DMD: variants seen among roughly 807,000 people sequenced by gnomAD.
DMD encodes dystrophin, also known as mutant dystrophin.
In DMD, 63 loss-of-function variants were observed where a neutral mutation model predicts 330.1. The ratio of observed to expected loss-of-function variants is 0.19; its 90% CI spans 0.16 to 0.24. The LOEUF (loss-of-function observed/expected upper bound fraction) is 0.24. Among genes scored for constraint, DMD ranks in the 10% least tolerant of loss-of-function variants. The pLI, the probability that DMD is intolerant of heterozygous loss-of-function variation, is 1.00. For synonymous variants in DMD, 1,223 were observed against 959.8 expected, an observed-to-expected ratio of 1.27 and a Z score of -5.07; for missense variants, 3,344 against 2,684.1, an observed-to-expected ratio of 1.25 and a Z score of -5.43.
chrX:32,740,315 T>C (rs1170686798), intron 7 of DMD, among the ~76,000 whole-genome samples: 2 of 110,214 alleles, frequency 1.8e-5, no homozygotes, highest in Non-Finnish European at 3.8e-5. Flanking sequence ...AGATGCATAA[T>C]GTAGTGTATC....
At chrX:31,851,205 C>T (rs2093518966) in intron 48 of DMD, among the ~76,000 whole-genome samples, 1 of 111,073 alleles carries the variant, frequency 9.0e-6, no homozygotes, top group South Asian at 3.8e-4. Flanking sequence ...CTGTCAAGTA[C>T]GTGCCAACCT....
chrX:32,499,891 C>A (rs1476565771), intron 19 of DMD, among the ~76,000 whole-genome samples: 1 of 111,118 alleles, frequency 9.0e-6, no homozygotes, highest in East Asian at 2.8e-4. Flanking sequence ...CAATTTGTTC[C>A]TTGAACGACA....
At chrX:32,303,822 A>G (rs1280846718) in intron 42 of DMD, among the ~76,000 whole-genome samples, 1 of 110,249 alleles carries the variant, frequency 9.1e-6, no homozygotes, top group Non-Finnish European at 1.9e-5. Context: ...ACCCTATATA[A>G]ATCTAATTCT....
chrX:32,235,212 G>C (rs1422832974), intron 43 of DMD, among the ~76,000 whole-genome samples: 2 of 111,469 alleles, frequency 1.8e-5, no homozygotes, highest in Non-Finnish European at 3.8e-5. Flanking sequence ...CATCTGGGGG[G>C]TGATGGGAGA....
intron 2 of DMD, among the ~76,000 whole-genome samples, chrX:33,009,683 T>TGTATACAC (rs1569549032): frequency 2.3e-5 from 1 of 44,085 alleles, no homozygotes; most frequent in African/African-American, 6.1e-5. Context: ...CGTATATGTG[T>TGTATACAC]ATATGCACAT....
At chrX:32,428,085 T>C (rs2098220492) in intron 29 of DMD, among the ~76,000 whole-genome samples, 1 of 111,740 alleles carries the variant, frequency 8.9e-6, no homozygotes, top group African/African-American at 3.2e-5. Flanking sequence ...TCTTGAATTC[T>C]TCTCTTTCCA....
intron 41 of DMD, among the ~76,000 whole-genome samples, chrX:32,314,158 C>T (rs1194713542): frequency 9.0e-6 from 1 of 111,559 alleles, no homozygotes; most frequent in Non-Finnish European, 1.9e-5. Flanking sequence ...TACTATAATG[C>T]TACAGTAACC....
At chrX:31,498,240 A>T (rs1569547352) in intron 56 of DMD, among the ~76,000 whole-genome samples, 1 of 112,264 alleles carries the variant, frequency 8.9e-6, no homozygotes, top group African/African-American at 3.2e-5. Context: ...ATGATTGATA[A>T]AACAAAACAG....
At chrX:31,134,580 G>A (rs1313903813) in intron 76 of DMD, among the ~76,000 whole-genome samples, 1 of 110,632 alleles carries the variant, frequency 9.0e-6, no homozygotes, top group African/African-American at 3.3e-5. Context: ...GCGCCAACAC[G>A]TCCAGCTAAT....
chrX:33,204,071 C>T (rs978114907), intron 1 of DMD, among the ~76,000 whole-genome samples: 3 of 111,745 alleles, frequency 2.7e-5, no homozygotes, highest in African/African-American at 9.7e-5. Flanking sequence ...GGATGAGCTA[C>T]CGTAATTGCT....
intron 2 of DMD, among the ~76,000 whole-genome samples, chrX:32,887,770 A>AAAAAACAAC (rs1557117376): frequency 1.4e-5 from 1 of 70,337 alleles, no homozygotes; most frequent in Non-Finnish European, 2.9e-5. Flanking sequence ...AAAAAAAAAA[A>AAAAAACAAC]AAAAAACATC....
At chrX:33,314,587 T>A (rs572414466) in intron 1 of DMD, among the ~76,000 whole-genome samples, 54 of 99,218 alleles carry the variant, frequency 5.4e-4, no homozygotes, top group African/African-American at 1.8e-3. Flanking sequence ...TTTTTTTTTT[T>A]ATCTTTCTTA....
intron 55 of DMD, among the ~76,000 whole-genome samples, chrX:31,591,521 G>T (rs1396776081): frequency 9.0e-6 from 1 of 111,247 alleles, no homozygotes; most frequent in Non-Finnish European, 1.9e-5. Context: ...TCATTTAGAA[G>T]TTTATGAAAG....
chrX:32,163,342 T>C (rs1366992196), intron 44 of DMD, among the ~76,000 whole-genome samples: 2 of 112,379 alleles, frequency 1.8e-5, no homozygotes, highest in Admixed American at 9.5e-5. Context: ...CTTCAATAGG[T>C]ACTCTTACTC....
intron 62 of DMD, among the ~76,000 whole-genome samples, chrX:31,276,099 C>T (rs1241323755): frequency 4.5e-5 from 5 of 112,260 alleles, no homozygotes; most frequent in African/African-American, 1.3e-4. Flanking sequence ...CTCTGTCACC[C>T]AGGTCGGAGA....
chrX:32,840,500 C>T (rs1314001398), intron 4 of DMD, among the ~76,000 whole-genome samples: 5 of 110,971 alleles, frequency 4.5e-5, no homozygotes, highest in African/African-American at 9.8e-5. Context: ...CAACTTGATG[C>T]GTTTTCTTAC....
At chrX:31,289,320 T>G (rs1450462578) in intron 62 of DMD, among the ~76,000 whole-genome samples, 1 of 104,214 alleles carries the variant, frequency 9.6e-6, no homozygotes, top group Non-Finnish European at 2.0e-5. Flanking sequence ...TTTAACACTC[T>G]GATATACCAT....
At chrX:32,436,191 A>G (rs148718170) in intron 29 of DMD, among the ~76,000 whole-genome samples, 285 of 111,895 alleles carry the variant, frequency 2.5e-3, no homozygotes, top group African/African-American at 9.1e-3. Flanking sequence ...CTATCTTTCC[A>G]TATTAGTTCC....
Position 32,494,303 on chromosome X carries a change from C to T in DMD, c.2381-2785G>A, listed in dbSNP as rs192282133. ...ATTCATAACACTGAAATTTATAATACGCTCTATTTATTTGCATATTGATCT... is the reference window on the plus strand; with the variant it reads ...ATTCATAACACTGAAATTTATAATATGCTCTATTTATTTGCATATTGATCT... On this transcript the variant is annotated intron_variant, in intron 19 of 78. Coordinates refer to ENST00000357033, the MANE Select transcript of DMD (RefSeq NM_004006.3). Among the ~76,000 whole-genome samples the T allele has an allele frequency of 2.1e-4, 23 of 111,227 alleles. No homozygotes were observed. In the Middle Eastern group the frequency reaches 0.032, roughly 155 times the overall value.
Sources: allele counts gnomAD v4.1 joint callset (sites outside exome capture counted in the v4.1 genomes callset), GRCh38; gene constraint gnomAD v4.1.1; transcripts MANE v1.5; gene names NCBI Gene and HGNC (gene_info 2026-07-23, HGNC 2026-07-21).